TRMT11: variants seen among roughly 807,000 people sequenced by gnomAD.
TRMT11 encodes the protein tRNA (guanine(10)-N(2))-methyltransferase TRMT11.
Under a neutral mutation model 62.8 loss-of-function variants are expected in TRMT11, and 53 were observed. That is an observed-to-expected ratio of 0.84 (90% confidence interval 0.68 to 1.06). The LOEUF (loss-of-function observed/expected upper bound fraction) is 1.06. Among genes scored for constraint, TRMT11 ranks in the 50% least tolerant of loss-of-function variants. The pLI, the probability that TRMT11 is intolerant of heterozygous loss-of-function variation, is 0.00. For synonymous variants in TRMT11, 188 were observed against 190.3 expected (o/e 0.99, Z 0.10); for missense variants, 556 against 553.4 (o/e 1.00, Z -0.05).
At chr6:126,254,292 A>G in the TRMT11 span, among the ~76,000 whole-genome samples, 1 of 152,226 alleles carries the variant, frequency 6.6e-6, no homozygotes, top group East Asian at 1.9e-4. Flanking sequence ...TGGTATAGGA[A>G]AATACTGAGT....
At chr6:126,259,521 C>A in the TRMT11 span, among the ~76,000 whole-genome samples, 2 of 152,188 alleles carry the variant, frequency 1.3e-5, no homozygotes, top group Non-Finnish European at 2.9e-5. Flanking sequence ...TTTATCCAGT[C>A]TACCATTGAT....
intron 17 of TRMT11, among the ~76,000 whole-genome samples, chr6:126,058,159 T>C (rs927796857): frequency 6.6e-6 from 1 of 152,066 alleles, no homozygotes; most frequent in Non-Finnish European, 1.5e-5. Context: ...CCTGTGTCCA[T>C]GTGTTCTCAT....
chr6:126,033,157 G>A (rs151040214), intron 12 of TRMT11, among the ~76,000 whole-genome samples: 52 of 152,224 alleles, frequency 3.4e-4, no homozygotes, highest in African/African-American at 1.2e-3. Flanking sequence ...TAGGAGGATC[G>A]TTTTATCTAA....
At chr6:126,172,172 C>CT (rs1778337109) in intron 21 of TRMT11, among the ~76,000 whole-genome samples, 1 of 152,044 alleles carries the variant, frequency 6.6e-6, no homozygotes, top group Non-Finnish European at 1.5e-5. Flanking sequence ...AGTACAGCAC[C>CT]TTTTTTTCCC....
chr6:126,243,075 A>T, the TRMT11 span, among the ~76,000 whole-genome samples: 33 of 152,324 alleles, frequency 2.2e-4, 2 homozygotes, highest in South Asian at 6.4e-3. Flanking sequence ...AAAGAACTCA[A>T]ACAAATTTAC....
At chr6:126,235,062 C>T in the TRMT11 span, among the ~76,000 whole-genome samples, 1 of 152,062 alleles carries the variant, frequency 6.6e-6, no homozygotes, top group Non-Finnish European at 1.5e-5. Context: ...AGATATTTCT[C>T]AAAAGAAGAC....
At chr6:126,049,457 AGT>A (rs1212706785) in intron 16 of TRMT11, among the ~76,000 whole-genome samples, 1 of 152,054 alleles carries the variant, frequency 6.6e-6, no homozygotes, top group Non-Finnish European at 1.5e-5. Context: ...AGATTCCAAG[AGT>A]GTTAATTTTT....
intron 11 of TRMT11, among the ~76,000 whole-genome samples, chr6:126,019,511 C>T (rs1483083903): frequency 1.3e-5 from 2 of 152,070 alleles, no homozygotes; most frequent in Non-Finnish European, 2.9e-5. Context: ...TATGCTTGTG[C>T]ATATTTAAGT....
chr6:126,232,570 C>T, the TRMT11 span, among the ~76,000 whole-genome samples: 1 of 151,976 alleles, frequency 6.6e-6, no homozygotes, highest in Admixed American at 6.6e-5. Flanking sequence ...CCTTGTTCAC[C>T]CTGATGAAAA....
At chr6:126,152,901 G>A (rs1219998720) in intron 21 of TRMT11, among the ~76,000 whole-genome samples, 1 of 152,142 alleles carries the variant, frequency 6.6e-6, no homozygotes, top group African/African-American at 2.4e-5. Flanking sequence ...GGCAGTTATG[G>A]GAGAGACTGT....
the TRMT11 span, among the ~76,000 whole-genome samples, chr6:126,247,778 T>G: frequency 2.0e-5 from 3 of 151,716 alleles, no homozygotes; most frequent in African/African-American, 7.2e-5. Context: ...CGGGGAAAGC[T>G]AAGATCCTTC....
At chr6:126,108,879 A>G (rs1319001424) in intron 17 of TRMT11, among the ~76,000 whole-genome samples, 3 of 152,112 alleles carry the variant, frequency 2.0e-5, no homozygotes, top group Non-Finnish European at 4.4e-5. Context: ...GACCCTTCTG[A>G]TACCTGAAAA....
chr6:126,020,793 T>A (rs1218489825), intron 11 of TRMT11, among the ~76,000 whole-genome samples: 2 of 152,246 alleles, frequency 1.3e-5, no homozygotes, highest in African/African-American at 2.4e-5. Flanking sequence ...AATCTACAGA[T>A]GAATCAGTCC....
chr6:125,994,640 A>G (rs778486626), intron 2 of TRMT11, among the ~76,000 whole-genome samples: 2 of 152,266 alleles, frequency 1.3e-5, no homozygotes, highest in African/African-American at 4.8e-5. Flanking sequence ...TCATTCTATT[A>G]TAAAGATACA....
intron 17 of TRMT11, among the ~76,000 whole-genome samples, chr6:126,089,360 T>G (rs1350671011): frequency 6.6e-6 from 1 of 152,100 alleles, no homozygotes; most frequent in Non-Finnish European, 1.5e-5. Context: ...GATCCGCCTG[T>G]CTCGGCCTCC....
rs540302191 is a variant in TRMT11 at position 126,008,400 on chromosome 6, C to CT, written c.689dup (p.Ile231AspfsTer28). The stretch of plus-strand genomic sequence containing the variant: ...ATTGTGTGATTTTTCAGGTGGCCTG[C>CT]TGATAGCATGTGCTCATTTTGGTGC... On this transcript the variant is annotated frameshift_variant, in exon 8 of 13. Transcript: ENST00000334379. LOFTEE classifies it high-confidence loss of function. The CT allele has an allele frequency of 6.2e-7, 1 of 1,612,802 alleles. No individual in the cohort carries two copies. Among genetic ancestry groups the CT allele is most frequent in the Non-Finnish European group, 8.5e-7 (1 of 1,179,104 alleles).
At chr6:126,012,262 A>C (rs1374828199) in intron 9 of TRMT11, among the ~76,000 whole-genome samples, 4 of 149,944 alleles carry the variant, frequency 2.7e-5, no homozygotes, top group Non-Finnish European at 5.9e-5. Flanking sequence ...TATAAAATAC[A>C]TTTTTTTTTT....
At position 126,038,141 on chromosome 6, in the gene TRMT11, G is replaced by A. The variant is rs56074060; in HGVS notation, c.1261-564G>A. Among the ~76,000 whole-genome samples, 335 of 152,126 alleles carry A rather than the reference G, an allele frequency of 2.2e-3. 1 individual carries two copies. Among genetic ancestry groups the A allele is most frequent in the Non-Finnish European group, 3.6e-3 (246 of 67,954 alleles). The stretch of plus-strand genomic sequence containing the variant: ...CCTTACTTGTCTGTGAAGTCTACAA[G>A]TATGGAAATCTCTTGTTTAGCCTGT... On this transcript the variant is annotated intron_variant, in intron 12 of 12. Coordinates refer to ENST00000334379, the MANE Select transcript of TRMT11 (RefSeq NM_001031712.3).
At chr6:125,986,722 C>A (rs1583602326) in intron 1 of TRMT11, 100 bp downstream of exon 1, 1 of 1,173,312 alleles carries the variant, frequency 8.5e-7, no homozygotes, top group East Asian at 2.6e-5. Context: ...AGCTGGGATT[C>A]GGGGGTCTTC....
Sources: gnomAD v4.1 joint callset for allele counts (sites outside exome capture counted in the v4.1 genomes callset) on GRCh38, gnomAD v4.1.1 for gene constraint, MANE v1.5 for transcripts, NCBI Gene and HGNC (gene_info 2026-07-23, HGNC 2026-07-21) for gene names.